The following FGD5 variants were observed in gnomAD, a reference collection of about 807,000 sequenced individuals.
FGD5 encodes the protein FYVE, RhoGEF and PH domain containing 5.
Under a neutral mutation model 133.4 loss-of-function variants are expected in FGD5, and 28 were observed. That is an observed-to-expected ratio of 0.21 (90% CI 0.16 to 0.29). The LOEUF (loss-of-function observed/expected upper bound fraction) is 0.29, where lower values mean the gene tolerates loss of function less well. FGD5 is among the 10% of genes least tolerant of loss of function. FGD5 has a pLI of 1.00. For missense variants in FGD5, 1,858 were observed against 1,895.2 expected, an observed-to-expected ratio of 0.98 and a Z score of 0.36; for synonymous variants, 810 against 776.5, an observed-to-expected ratio of 1.04 and a Z score of -0.72.
At chr3:14,836,548 G>A (rs537899905) in intron 1 of FGD5, among the ~76,000 whole-genome samples, 20 of 152,326 alleles carry the variant, frequency 1.3e-4, no homozygotes, top group African/African-American at 4.1e-4. Context: ...GCCTTTGCCC[G>A]ACTTTTGAGT....
intron 9 of FGD5, among the ~76,000 whole-genome samples, chr3:14,906,094 G>A (rs1447953216): frequency 1.3e-5 from 2 of 152,186 alleles, no homozygotes; most frequent in African/African-American, 2.4e-5. Context: ...GGGTAGGTCA[G>A]AGAGCTTTTC....
At chr3:14,932,542 TG>T (rs1338916307) in intron 18 of FGD5, 34 bp from the exon 19 acceptor site, 5 of 1,599,634 alleles carry the variant, frequency 3.1e-6, no homozygotes, top group Non-Finnish European at 4.3e-6. Flanking sequence ...CAGAGTGTGG[TG>T]TTTAATGTCA....
In FGD5 at chr3:14,821,447, G is replaced by T. The variant is rs1481835973; in HGVS notation, c.2376G>T (p.Arg792=). 1 of 1,613,854 alleles carries T rather than the reference G, an allele frequency of 6.2e-7. No homozygotes were observed. The highest frequency in any genetic ancestry group is 8.5e-7 in the Non-Finnish European group (1 of 1,179,906). Residue 792 remains arginine (R), a synonymous_variant, in exon 1 of 20, where the codon CGG becomes CGT. Transcript: ENST00000285046. Reference sequence around the variant, plus strand: ...ATGAGAATATCCAGATTCCACCCCGGAGACCTGCCAGGGCTGGCGCGTTCA... The same window carrying T: ...ATGAGAATATCCAGATTCCACCCCGTAGACCTGCCAGGGCTGGCGCGTTCA... ...SDYENIQIPP[R]RPARAGAFTK... is the part of the protein sequence containing the mutation.
intron 1 of FGD5, among the ~76,000 whole-genome samples, chr3:14,823,974 A>G (rs1296390357): frequency 6.6e-6 from 1 of 152,256 alleles, no homozygotes; most frequent in Non-Finnish European, 1.5e-5. Context: ...GCACTGTGCT[A>G]GGTGCTTTCT....
rs145826518 is a variant in FGD5, at chr3:14,928,933, T to A, written c.4197+2735T>A. Among the ~76,000 whole-genome samples, 240 of 152,320 alleles carry A rather than the reference T, an allele frequency of 1.6e-3. No homozygotes were observed. The Middle Eastern group carries it at 0.034, about 22-fold the overall frequency. ...GTTTTTGTACCTTTTTTTTGCCTTTTGAGGTCTAATTTATATATAATGAAG... is the reference window on the plus strand; with the variant it reads ...GTTTTTGTACCTTTTTTTTGCCTTTAGAGGTCTAATTTATATATAATGAAG... On this transcript the variant is annotated intron_variant, in intron 18 of 19. Transcript: ENST00000285046.
At chr3:14,919,597 T>G (rs1003295368) in intron 13 of FGD5, among the ~76,000 whole-genome samples, 2 of 152,114 alleles carry the variant, frequency 1.3e-5, no homozygotes, top group South Asian at 2.1e-4. Flanking sequence ...CAGCCTGGGC[T>G]ACAGAGCAAG....
intron 9 of FGD5, among the ~76,000 whole-genome samples, chr3:14,901,887 T>C (rs2125135840): frequency 6.6e-6 from 1 of 151,834 alleles, no homozygotes; most frequent in African/African-American, 2.4e-5. Context: ...CTTAGTGGAG[T>C]AACTAAATAT....
chr3:14,821,441 A>G lies in FGD5; in HGVS notation c.2370A>G (p.Pro790=), dbSNP rs576968829. Residue 790 remains proline (P), a synonymous_variant, in exon 1 of 20, where the codon CCA becomes CCG. Transcript: ENST00000285046. ...CGGACTATGAGAATATCCAGATTCC[A>G]CCCCGGAGACCTGCCAGGGCTGGCG... ...MNSDYENIQI[P]PRRPARAGAF... 2.5e-6 allele frequency: 4 copies of G among 1,613,900 alleles called. No individual in the cohort carries two copies. Among genetic ancestry groups the G allele is most frequent in the African/African-American group, 2.7e-5 (2 of 75,012 alleles).
intron 9 of FGD5, among the ~76,000 whole-genome samples, chr3:14,902,831 G>T (rs2038267558): frequency 6.6e-6 from 1 of 152,194 alleles, no homozygotes; most frequent in Admixed American, 6.5e-5. Flanking sequence ...AGAAAAACTA[G>T]GTCAGGCAGG....
chr3:14,859,050 A>T (rs758479440), intron 1 of FGD5, among the ~76,000 whole-genome samples: 1 of 152,216 alleles, frequency 6.6e-6, no homozygotes, highest in Non-Finnish European at 1.5e-5. Flanking sequence ...ATTGTATCAT[A>T]CTTGCTCTTT....
chr3:14,844,249 T>A (rs867237791), intron 1 of FGD5, among the ~76,000 whole-genome samples: 648 of 56,264 alleles, frequency 0.012, 72 homozygotes, highest in Middle Eastern at 0.017. Context: ...TATATATATA[T>A]ATATATATAT....
At chr3:14,914,422 G>A (rs1421688862) in intron 11 of FGD5, among the ~76,000 whole-genome samples, 2 of 152,194 alleles carry the variant, frequency 1.3e-5, no homozygotes, top group Non-Finnish European at 2.9e-5. Context: ...CCTCCAAGCT[G>A]GGGCTGTAAA....
intron 18 of FGD5, 38 bp downstream of exon 18, chr3:14,926,236 C>T: frequency 1.2e-6 from 2 of 1,609,444 alleles, no homozygotes; most frequent in South Asian, 1.1e-5. Context: ...CTCCTCTCTC[C>T]TGTGAAATGA....
intron 11 of FGD5, among the ~76,000 whole-genome samples, chr3:14,915,845 A>G (rs1306243586): frequency 6.6e-6 from 1 of 151,780 alleles, no homozygotes; most frequent in Non-Finnish European, 1.5e-5. Flanking sequence ...CCATGTGTAC[A>G]GGGTTCACCC....
At chr3:14,867,368 T>G (rs2037515477) in intron 2 of FGD5, among the ~76,000 whole-genome samples, 1 of 152,228 alleles carries the variant, frequency 6.6e-6, no homozygotes, top group Non-Finnish European at 1.5e-5. Flanking sequence ...TTTCCAGATG[T>G]GCTATGGTTT....
At chr3:14,833,874 T>C (rs2125079412) in intron 1 of FGD5, among the ~76,000 whole-genome samples, 1 of 152,232 alleles carries the variant, frequency 6.6e-6, no homozygotes, top group Non-Finnish European at 1.5e-5. Flanking sequence ...TGCTGGTGTG[T>C]GAAGTCTGCC....
At chr3:14,823,333 C>G (rs1230759407) in intron 1 of FGD5, among the ~76,000 whole-genome samples, 3 of 152,176 alleles carry the variant, frequency 2.0e-5, no homozygotes, top group Non-Finnish European at 4.4e-5. Flanking sequence ...CCCGTCACTC[C>G]CAGAGCTGCC....
At chr3:14,816,347 C>T (rs765919389), upstream of FGD5, among the ~76,000 whole-genome samples, 6 of 152,298 alleles carry the variant, frequency 3.9e-5, no homozygotes, top group African/African-American at 4.8e-5. Flanking sequence ...GCTCATATTA[C>T]GCAGTGTATC....
chr3:14,885,448 A>G (rs73814010), intron 4 of FGD5, among the ~76,000 whole-genome samples: 3,268 of 152,238 alleles, frequency 0.021, 122 homozygotes, highest in African/African-American at 0.074. Flanking sequence ...GTTTGCCCAC[A>G]TCCTGCATTC....
Sources: allele counts gnomAD v4.1 joint callset (sites outside exome capture counted in the v4.1 genomes callset), GRCh38; gene constraint gnomAD v4.1.1; transcripts MANE v1.5; gene names NCBI Gene and HGNC (gene_info 2026-07-23, HGNC 2026-07-21).